Variants in RNF38 observed in about 807,000 individuals in gnomAD.
The protein encoded by RNF38 is ring finger protein 38.
In RNF38, 15 loss-of-function variants were observed where a neutral mutation model predicts 67.2. The ratio of observed to expected loss-of-function variants is 0.22; its 90% CI spans 0.15 to 0.34. The LOEUF (loss-of-function observed/expected upper bound fraction) is 0.34, where lower values mean the gene tolerates loss of function less well. RNF38 is among the 10% of genes least tolerant of loss of function. The probability of loss-of-function intolerance (pLI) is 1.00; values close to 1 mark genes in which losing one functional copy is unlikely to be tolerated. For synonymous variants in RNF38, 220 were observed against 218.8 expected, an observed-to-expected ratio of 1.01 and a Z score of -0.05; for missense variants, 524 against 639.9, an observed-to-expected ratio of 0.82 and a Z score of 1.95.
intron 1 of RNF38, among the ~76,000 whole-genome samples, chr9:36,436,433 T>C (rs774914135): frequency 5.9e-5 from 9 of 152,262 alleles, no homozygotes; most frequent in Admixed American, 1.3e-4. Context: ...CAGACTCATA[T>C]AGCATAGTCT....
chr9:36,352,922 TAA>T, intron 7 of RNF38, 74 bp from the exon 8 acceptor site: 2 of 1,092,822 alleles, frequency 1.8e-6, no homozygotes, highest in Non-Finnish European at 2.7e-6. Context: ...AGTATCTAAT[TAA>T]AAAAAGACTT....
At chr9:36,468,811 T>C (rs1839926400) in intron 1 of RNF38, among the ~76,000 whole-genome samples, 1 of 151,292 alleles carries the variant, frequency 6.6e-6, no homozygotes, top group Admixed American at 6.6e-5. Flanking sequence ...AAACTCTGTC[T>C]CAAAAAATAA....
intron 1 of RNF38, among the ~76,000 whole-genome samples, chr9:36,487,048 C>G (rs570380499): frequency 6.6e-6 from 1 of 152,334 alleles, no homozygotes; most frequent in East Asian, 1.9e-4. Flanking sequence ...CGGTTTCCTC[C>G]TCCGCCGAGC....
At chr9:36,451,839 T>C (rs184849432) in intron 1 of RNF38, among the ~76,000 whole-genome samples, 9 of 151,954 alleles carry the variant, frequency 5.9e-5, no homozygotes, top group Non-Finnish European at 8.8e-5. Context: ...AGGCAATATA[T>C]AGTAAAGATT....
chr9:36,372,502 A>G (rs868836479), intron 3 of RNF38: 1 of 711,484 alleles, frequency 1.4e-6, no homozygotes. Flanking sequence ...TCACCTCTGT[A>G]ACTGAAATCC....
At chr9:36,407,885 A>G (rs1191924356) in intron 2 of RNF38, among the ~76,000 whole-genome samples, 2 of 152,192 alleles carry the variant, frequency 1.3e-5, no homozygotes, top group African/African-American at 4.8e-5. Flanking sequence ...GGGAGGAACC[A>G]TCTCTGTATT....
At chr9:36,453,725 G>T (rs1221768198) in intron 1 of RNF38, among the ~76,000 whole-genome samples, 3 of 152,042 alleles carry the variant, frequency 2.0e-5, no homozygotes, top group African/African-American at 7.2e-5. Flanking sequence ...ATGAGGTCTT[G>T]CCATGTTGCA....
At chr9:36,434,661 T>C (rs1839021376) in intron 1 of RNF38, among the ~76,000 whole-genome samples, 1 of 152,198 alleles carries the variant, frequency 6.6e-6, no homozygotes, top group African/African-American at 2.4e-5. Context: ...AGTGCTGGGA[T>C]TACAGGCATG....
intron 4 of RNF38, among the ~76,000 whole-genome samples, chr9:36,359,003 A>AT (rs938231925): frequency 2.3e-4 from 35 of 151,050 alleles, no homozygotes; most frequent in Middle Eastern, 3.4e-3. Flanking sequence ...AAGAAAACTA[A>AT]TTTTTTTTTC....
intron 6 of RNF38, among the ~76,000 whole-genome samples, chr9:36,354,418 G>A (rs753426413): frequency 1.4e-4 from 21 of 152,110 alleles, no homozygotes; most frequent in Non-Finnish European, 2.8e-4. Flanking sequence ...AGCCAGGATG[G>A]TCTCGATCTC....
chr9:36,482,353 C>CTT (rs71336457), intron 1 of RNF38, among the ~76,000 whole-genome samples: 5,396 of 107,568 alleles, frequency 0.05, 317 homozygotes, highest in Middle Eastern at 0.07. Flanking sequence ...GTGCCCAGAC[C>CTT]TTTTTTTTTT....
chr9:36,438,837 G>C (rs1444553599), intron 1 of RNF38, among the ~76,000 whole-genome samples: 2 of 152,206 alleles, frequency 1.3e-5, no homozygotes, highest in Non-Finnish European at 1.5e-5. Flanking sequence ...ACCTTAGAGA[G>C]CTAGGGGCCT....
At chr9:36,451,613 GC>G (rs1437660850) in intron 1 of RNF38, among the ~76,000 whole-genome samples, 1 of 135,620 alleles carries the variant, frequency 7.4e-6, no homozygotes, top group Non-Finnish European at 1.5e-5. Context: ...CGATTCTCCT[GC>G]CTCAGCCTCC....
In RNF38 at chr9:36,399,986, T is replaced by C. The variant is rs553583984; in HGVS notation, c.12+111A>G. On this transcript the variant is annotated intron_variant, in intron 1 of 11. Transcript: ENST00000259605. ...AAAAAAGAAATGGCAATTCATATAA[T>C]GGTGGCAATAATTACATGTGTGTGT... 33 of 946,260 alleles carry C rather than the reference T, an allele frequency of 3.5e-5. 1 individual carries two copies. Among genetic ancestry groups the C allele is most frequent in the African/African-American group, 1.0e-4 (6 of 59,950 alleles). The allele number at this position is 946,260 out of a possible 1,614,324, so 58.6% of individuals were successfully genotyped here.
intron 9 of RNF38, among the ~76,000 whole-genome samples, chr9:36,350,734 A>G (rs1337366195): frequency 3.3e-5 from 5 of 152,244 alleles, no homozygotes; most frequent in Non-Finnish European, 5.9e-5. Context: ...ATGTGGTATT[A>G]CATATTCAAA....
upstream of RNF38, chr9:36,401,077 C>A (rs1838001782): frequency 1.3e-5 from 13 of 984,956 alleles, no homozygotes; most frequent in South Asian, 4.7e-4. Flanking sequence ...CGTCCCACCC[C>A]GTCCCCTCGC....
intron 1 of RNF38, among the ~76,000 whole-genome samples, chr9:36,392,072 T>C (rs1837157070): frequency 6.6e-6 from 1 of 152,176 alleles, no homozygotes; most frequent in Non-Finnish European, 1.5e-5. Context: ...TTAGTATGGC[T>C]AGATAGTAAG....
At chr9:36,440,713 A>G (rs182516356) in intron 1 of RNF38, among the ~76,000 whole-genome samples, 1 of 152,352 alleles carries the variant, frequency 6.6e-6, no homozygotes, top group Admixed American at 6.5e-5. Context: ...GAAAAGGACA[A>G]TGGAACTGAG....
intron 2 of RNF38, among the ~76,000 whole-genome samples, chr9:36,410,233 G>A (rs527800856): frequency 6.6e-5 from 10 of 152,254 alleles, no homozygotes; most frequent in African/African-American, 2.2e-4. Context: ...TAGAAAATAC[G>A]GGTAAATATC....
Sources: gnomAD v4.1 joint callset for allele counts (sites outside exome capture counted in the v4.1 genomes callset) on GRCh38, gnomAD v4.1.1 for gene constraint, MANE v1.5 for transcripts, NCBI Gene and HGNC (gene_info 2026-07-23, HGNC 2026-07-21) for gene names.